Variants in CCDC39 observed in about 807,000 individuals in gnomAD.
CCDC39 encodes coiled-coil domain 39 molecular ruler complex subunit, also known as coiled-coil domain-containing protein 39.
Under a neutral mutation model 121.0 loss-of-function variants are expected in CCDC39, and 113 were observed. The ratio of observed to expected loss-of-function variants is 0.93; its 90% CI spans 0.80 to 1.09. The LOEUF (loss-of-function observed/expected upper bound fraction) is 1.09. Ranked by LOEUF, CCDC39 falls within the 50% of genes least tolerant of loss-of-function variation. CCDC39 has a pLI of 0.00. For missense variants in CCDC39, 1,063 were observed against 1,074.7 expected (o/e 0.99, Z 0.15); for synonymous variants, 349 against 352.2 (o/e 0.99, Z 0.10).
intron 1 of CCDC39, among the ~76,000 whole-genome samples, chr3:180,667,457 T>C (rs1365956694): frequency 2.0e-5 from 3 of 152,166 alleles, no homozygotes; most frequent in Non-Finnish European, 4.4e-5. Flanking sequence ...CTATGTCACA[T>C]TCTGGTACCT....
intron 12 of CCDC39, 72 bp from the exon 13 acceptor site, chr3:180,642,273 A>G: frequency 3.4e-6 from 3 of 877,234 alleles, no homozygotes; most frequent in Admixed American, 3.1e-5. Context: ...TTTTATTGCT[A>G]TATAAGTAAA....
intron 19 of CCDC39, among the ~76,000 whole-genome samples, chr3:180,615,590 C>T (rs934113904): frequency 6.6e-6 from 1 of 152,000 alleles, no homozygotes; most frequent in Non-Finnish European, 1.5e-5. Flanking sequence ...TATATAGAAA[C>T]AGTTTTTTAT....
At chr3:180,625,029 CT>C (rs948728941) in intron 14 of CCDC39, among the ~76,000 whole-genome samples, 4 of 151,838 alleles carry the variant, frequency 2.6e-5, no homozygotes, top group African/African-American at 9.7e-5. Flanking sequence ...ATGTATTTTC[CT>C]GGGGATTGCT....
At chr3:180,628,218 T>TC (rs1006784385) in intron 14 of CCDC39, among the ~76,000 whole-genome samples, 1 of 152,140 alleles carries the variant, frequency 6.6e-6, no homozygotes, top group African/African-American at 2.4e-5. Context: ...GATATATATT[T>TC]CCTTTTTTTT....
At chr3:180,677,715 C>T (rs779284262) in intron 1 of CCDC39, among the ~76,000 whole-genome samples, 2 of 151,914 alleles carry the variant, frequency 1.3e-5, no homozygotes, top group Non-Finnish European at 2.9e-5. Flanking sequence ...TATATAATTC[C>T]ATTATAATAC....
intron 7 of CCDC39, among the ~76,000 whole-genome samples, chr3:180,652,592 A>T (rs1014740734): frequency 1.3e-5 from 2 of 152,160 alleles, no homozygotes; most frequent in African/African-American, 4.8e-5. Flanking sequence ...TGCTCATAAG[A>T]ATCATAAGTT....
intron 2 of CCDC39, among the ~76,000 whole-genome samples, chr3:180,663,637 T>C (rs1711798096): frequency 6.7e-6 from 1 of 148,968 alleles, no homozygotes; most frequent in Non-Finnish European, 1.5e-5. Flanking sequence ...GCCACTGTAC[T>C]CCAGCCTAGG....
chr3:180,658,088 A>C (rs1469003451), intron 6 of CCDC39, among the ~76,000 whole-genome samples: 1 of 151,748 alleles, frequency 6.6e-6, no homozygotes, highest in East Asian at 1.9e-4. Context: ...AAACTACAAA[A>C]ATTAGCTGGG....
At position 180,661,871 on chromosome 3, in the gene CCDC39, C is replaced by G. The variant is rs181573011; in HGVS notation, c.347G>C (p.Ser116Thr). 8.8e-6 allele frequency: 14 copies of G among 1,582,338 alleles called. No homozygotes were observed. The Admixed American group carries it at 1.5e-4, about 16-fold the overall frequency. ...NEMASILEKK[S>T]DKENGIFKAT... ...TATTTCAACATATACTTCTTTATCA[C>G]TTTTCTTTTCCAGTATTGAAGCCAT... The change falls in exon 3 of 20, where the codon AGT becomes ACT. Residue 116 changes from serine to threonine, a missense_variant. Ser to Thr is a moderately conservative substitution (Grantham distance 58). Coordinates refer to ENST00000476379, the MANE Select transcript of CCDC39 (RefSeq NM_181426.2).
chr3:180,660,873 C>A (rs1014568993), intron 3 of CCDC39, 145 bp from the exon 4 acceptor site: 21 of 564,196 alleles, frequency 3.7e-5, no homozygotes, highest in Middle Eastern at 4.4e-4. Flanking sequence ...TTATAATATG[C>A]CATATTTTAA....
Position 180,644,193 on chromosome 3 carries a change from G to T in CCDC39, c.1592C>A (p.Thr531Asn). ...GAAAAGGTTTAGTTCATTTATTTTG[G>T]TCATAAGGGACTGTTTTTCATCACT... is the stretch of plus-strand genomic sequence containing the variant. ...KNSDEKQSLM[T>N]KINELNLFID... Residue 531 changes from threonine to asparagine, a missense_variant, in exon 12 of 20, where the codon ACC (threonine) becomes AAC (asparagine). Coordinates refer to ENST00000476379, the MANE Select transcript of CCDC39 (RefSeq NM_181426.2). The T allele has an allele frequency of 3.2e-6, 5 of 1,544,816 alleles. No homozygotes were observed. The South Asian group carries it at 4.8e-5, about 15-fold the overall frequency.
intron 13 of CCDC39, among the ~76,000 whole-genome samples, chr3:180,639,554 G>A (rs1014010916): frequency 1.1e-4 from 17 of 152,160 alleles, no homozygotes; most frequent in East Asian, 3.9e-4. Flanking sequence ...TTATGTTCTC[G>A]CTTATAAGCA....
intron 11 of CCDC39, among the ~76,000 whole-genome samples, chr3:180,645,838 A>C (rs1367685838): frequency 6.6e-6 from 1 of 152,146 alleles, no homozygotes; most frequent in East Asian, 1.9e-4. Context: ...GAATGGCATA[A>C]GCACTTGACA....
chr3:180,629,942 ATAAC>A (rs930055117), intron 14 of CCDC39, among the ~76,000 whole-genome samples: 43 of 152,306 alleles, frequency 2.8e-4, no homozygotes, highest in Admixed American at 2.2e-3. Context: ...AGTAATAATA[ATAAC>A]TAACATTTAT....
intron 8 of CCDC39, among the ~76,000 whole-genome samples, chr3:180,651,881 C>T (rs1711500186): frequency 3.9e-5 from 6 of 151,968 alleles, no homozygotes; most frequent in Admixed American, 3.9e-4. Flanking sequence ...AATAAAAATA[C>T]AAAAAATTAG....
chr3:180,638,480 T>C (rs1717883334), intron 13 of CCDC39, among the ~76,000 whole-genome samples: 3 of 152,036 alleles, frequency 2.0e-5, no homozygotes, highest in Non-Finnish European at 4.4e-5. Flanking sequence ...AAGGGATACA[T>C]GAAAAAACCA....
rs1376957935 is a variant in CCDC39, at chr3:180,654,643, AG to A, written c.930+118del. The A allele has an allele frequency of 1.7e-5, 10 of 588,206 alleles. No individual in the cohort carries two copies. In the East Asian group the frequency reaches 1.7e-4, roughly 10 times the overall value. The allele number at this position is 588,206 out of a possible 1,614,324, so 36.4% of individuals were successfully genotyped here. On this transcript the variant is annotated intron_variant, in intron 7 of 19. Transcript: ENST00000476379. ...AGACATTAAAAAAAAAAAAAGAAAA[AG>A]GAAAAAAAAAAAAAACTAGAAGTAG...
chr3:180,656,745 G>A (rs1192784608), intron 6 of CCDC39, among the ~76,000 whole-genome samples: 1 of 152,128 alleles, frequency 6.6e-6, no homozygotes, highest in Non-Finnish European at 1.5e-5. Flanking sequence ...TGACCAAGAT[G>A]GAAAAGAGAG....
chr3:180,624,294 A>G (rs1290619975), intron 14 of CCDC39, among the ~76,000 whole-genome samples: 1 of 151,986 alleles, frequency 6.6e-6, no homozygotes, highest in Non-Finnish European at 1.5e-5. Flanking sequence ...TACTTTCAGT[A>G]TATATGTCTT....
Sources: gnomAD v4.1 joint callset for allele counts (sites outside exome capture counted in the v4.1 genomes callset) on GRCh38, gnomAD v4.1.1 for gene constraint, MANE v1.5 for transcripts, NCBI Gene and HGNC (gene_info 2026-07-23, HGNC 2026-07-21) for gene names.